The following TENM4 variants were observed in gnomAD, a reference collection of about 807,000 sequenced individuals.
TENM4 encodes the protein teneurin-4.
TENM4 carries 82 observed loss-of-function variants against 243.3 expected under a neutral mutation model. The observed-to-expected ratio is 0.34, with a 90% CI of 0.28 to 0.40. TENM4 has a LOEUF of 0.40. Ranked by LOEUF, TENM4 falls within the 10% of genes least tolerant of loss-of-function variation. The pLI is 1.00. For synonymous variants in TENM4, 1,412 were observed against 1,456.3 expected (o/e 0.97, Z 0.69); for missense variants, 3,138 against 3,673.3 (o/e 0.85, Z 3.77).
At chr11:79,086,667 C>T (rs1177105613) in intron 4 of TENM4, among the ~76,000 whole-genome samples, 1 of 151,962 alleles carries the variant, frequency 6.6e-6, no homozygotes, top group Non-Finnish European at 1.5e-5. Context: ...AACCTCATCT[C>T]TACTAAAAAT....
intron 2 of TENM4, among the ~76,000 whole-genome samples, chr11:79,283,249 C>CA (rs397960719): frequency 1.4e-5 from 2 of 143,816 alleles, no homozygotes; most frequent in African/African-American, 5.5e-5. Flanking sequence ...CACACACACA[C>CA]AAGTACAGAT....
chr11:79,099,032 G>A (rs60774735), intron 4 of TENM4, among the ~76,000 whole-genome samples: 246 of 152,262 alleles, frequency 1.6e-3, no homozygotes, highest in African/African-American at 5.1e-3. Context: ...ATAAATATAC[G>A]CATTTTTTTC....
intron 3 of TENM4, among the ~76,000 whole-genome samples, chr11:79,213,995 ATTT>A (rs34436159): frequency 1.4e-5 from 2 of 144,776 alleles, no homozygotes; most frequent in African/African-American, 5.1e-5. Flanking sequence ...CAAAAAATAA[ATTT>A]TTTTTTTTTT....
chr11:79,408,028 C>T (rs1858610300), intron 1 of TENM4, among the ~76,000 whole-genome samples: 1 of 151,976 alleles, frequency 6.6e-6, no homozygotes, highest in Admixed American at 6.6e-5. Flanking sequence ...CTCAGCCTCC[C>T]AAGTAGCTGG....
intron 1 of TENM4, among the ~76,000 whole-genome samples, chr11:79,371,936 G>A (rs889486663): frequency 1.3e-5 from 2 of 152,180 alleles, no homozygotes; most frequent in Admixed American, 1.3e-4. Flanking sequence ...GCAGAGATAA[G>A]AGGTAGGTGT....
At chr11:78,862,489 A>G (rs1348526643) in intron 10 of TENM4, among the ~76,000 whole-genome samples, 1 of 152,186 alleles carries the variant, frequency 6.6e-6, no homozygotes, top group African/African-American at 2.4e-5. Context: ...TGACTTGCTC[A>G]AGGTCACACG....
chr11:79,203,514 C>G (rs201155306), intron 3 of TENM4, among the ~76,000 whole-genome samples: 1 of 152,230 alleles, frequency 6.6e-6, no homozygotes, highest in East Asian at 1.9e-4. Flanking sequence ...ATATACTATG[C>G]TTTTTTCTAT....
At chr11:79,075,943 A>C (rs1208619428) in intron 4 of TENM4, among the ~76,000 whole-genome samples, 3 of 152,244 alleles carry the variant, frequency 2.0e-5, no homozygotes, top group Non-Finnish European at 2.9e-5. Flanking sequence ...CTCCAGTGAC[A>C]GCTCACCATC....
At chr11:79,204,977 C>T (rs747623329) in intron 3 of TENM4, among the ~76,000 whole-genome samples, 1 of 152,158 alleles carries the variant, frequency 6.6e-6, no homozygotes, top group Non-Finnish European at 1.5e-5. Flanking sequence ...TTTGTGGATA[C>T]TGTACATACA....
chr11:78,998,725 T>C (rs1858238938), intron 6 of TENM4, among the ~76,000 whole-genome samples: 1 of 152,182 alleles, frequency 6.6e-6, no homozygotes, highest in Admixed American at 6.5e-5. Flanking sequence ...CTGATGCCCA[T>C]GGCTGGTGGC....
At chr11:78,925,095 T>A (rs1282457089) in intron 6 of TENM4, among the ~76,000 whole-genome samples, 1 of 152,214 alleles carries the variant, frequency 6.6e-6, no homozygotes, top group Non-Finnish European at 1.5e-5. Flanking sequence ...TTCTAAATCT[T>A]AATTCTTATC....
intron 6 of TENM4, among the ~76,000 whole-genome samples, chr11:79,015,437 A>G (rs1858747682): frequency 6.6e-6 from 1 of 151,978 alleles, no homozygotes; most frequent in African/African-American, 2.4e-5. Context: ...ACCTATAGAG[A>G]AAAACTACAC....
At chr11:79,125,030 T>C (rs1277951388) in intron 4 of TENM4, among the ~76,000 whole-genome samples, 1 of 151,184 alleles carries the variant, frequency 6.6e-6, no homozygotes, top group Admixed American at 6.6e-5. Context: ...TGGAGTATTT[T>C]GGTGGTTTCA....
intron 6 of TENM4, among the ~76,000 whole-genome samples, chr11:78,907,097 T>C (rs1056684439): frequency 6.6e-6 from 1 of 152,140 alleles, no homozygotes. Flanking sequence ...CTTGAGAATG[T>C]TAAGAAAGGG....
chr11:78,915,737 T>A (rs1856300777), intron 6 of TENM4, among the ~76,000 whole-genome samples: 1 of 152,184 alleles, frequency 6.6e-6, no homozygotes, highest in Non-Finnish European at 1.5e-5. Context: ...AGGCAGGTTA[T>A]CAGGTCATTT....
chr11:79,372,562 C>T (rs1011985893), intron 1 of TENM4, among the ~76,000 whole-genome samples: 1 of 152,204 alleles, frequency 6.6e-6, no homozygotes, highest in African/African-American at 2.4e-5. Context: ...CCAATAATGT[C>T]AGCAGAGAGG....
intron 19 of TENM4, among the ~76,000 whole-genome samples, chr11:78,750,693 A>G (rs1856168203): frequency 6.6e-6 from 1 of 152,188 alleles, no homozygotes; most frequent in South Asian, 2.1e-4. Context: ...GATTTATTCT[A>G]TCATTCACTG....
chr11:79,311,004 C>T (rs766390913), intron 1 of TENM4, among the ~76,000 whole-genome samples: 6 of 152,162 alleles, frequency 3.9e-5, no homozygotes, highest in Non-Finnish European at 8.8e-5. Context: ...AGAGTGACTG[C>T]TTGGAGATGA....
intron 14 of TENM4, among the ~76,000 whole-genome samples, chr11:78,808,476 C>A (rs987394292): frequency 6.6e-6 from 1 of 152,188 alleles, no homozygotes; most frequent in African/African-American, 2.4e-5. Flanking sequence ...TTATCATGTT[C>A]ATTTGACAGC....
Sources: allele counts gnomAD v4.1 joint callset (sites outside exome capture counted in the v4.1 genomes callset), GRCh38; gene constraint gnomAD v4.1.1; transcripts MANE v1.5; gene names NCBI Gene and HGNC (gene_info 2026-07-23, HGNC 2026-07-21).